The following NDUFA12 variants were observed in gnomAD, a reference collection of about 807,000 sequenced individuals.
The protein encoded by NDUFA12 is NADH dehydrogenase [ubiquinone] 1 alpha subcomplex subunit 12.
Under a neutral mutation model 20.3 loss-of-function variants are expected in NDUFA12, and 17 were observed. The observed-to-expected ratio is 0.84, with a 90% confidence interval of 0.57 to 1.26. The LOEUF is 1.26. Ranked by LOEUF, NDUFA12 falls within the 50% of genes most tolerant of loss-of-function variation. NDUFA12 has a pLI of 0.00. For synonymous variants in NDUFA12, 72 were observed against 63.6 expected, an observed-to-expected ratio of 1.13 and a Z score of -0.63; for missense variants, 191 against 183.7, an observed-to-expected ratio of 1.04 and a Z score of -0.23.
intron 3 of NDUFA12, among the ~76,000 whole-genome samples, chr12:94,975,870 A>AC (rs373522864): frequency 7.9e-5 from 12 of 152,174 alleles, no homozygotes; most frequent in African/African-American, 2.9e-4. Context: ...GCAACATGAG[A>AC]CCCCATGTCT....
At chr12:94,971,870 C>G (rs567763037) in intron 3 of NDUFA12, 1 of 673,106 alleles carries the variant, frequency 1.5e-6, no homozygotes, top group Non-Finnish European at 2.7e-6. Flanking sequence ...GTGGCAGATA[C>G]GCAACAAATG....
At chr12:94,982,152 A>G in intron 3 of NDUFA12, among the ~76,000 whole-genome samples, 1 of 152,244 alleles carries the variant, frequency 6.6e-6, no homozygotes, top group Non-Finnish European at 1.5e-5. Flanking sequence ...CTCAGGACAG[A>G]GGACAGGAAT....
At chr12:94,972,176 C>T (rs976839219) in intron 3 of NDUFA12, among the ~76,000 whole-genome samples, 3 of 152,148 alleles carry the variant, frequency 2.0e-5, no homozygotes, top group African/African-American at 7.2e-5. Context: ...GATCTTCCTG[C>T]TTCAGCCTCC....
chr12:94,991,072 C>T (rs946086304), intron 3 of NDUFA12, among the ~76,000 whole-genome samples: 4 of 152,008 alleles, frequency 2.6e-5, no homozygotes, highest in African/African-American at 9.7e-5. Context: ...TCATTTGAGT[C>T]CAGGAGTTTG....
At position 94,971,496 on chromosome 12, in the gene NDUFA12, AATAAGGTAC is replaced by A. The variant is rs1873884982; in HGVS notation, c.373_381del (p.Val125_Tyr127del). 1 of 1,614,102 alleles carries A rather than the reference AATAAGGTAC, an allele frequency of 6.2e-7. No individual in the cohort carries two copies. The highest frequency in any genetic ancestry group is 1.3e-5 in the African/African-American group (1 of 74,950). On this transcript the variant is annotated inframe_deletion, in exon 4 of 4. Coordinates refer to ENST00000327772, the MANE Select transcript of NDUFA12 (RefSeq NM_018838.5). ...TCCTGAATCTTCTTTCTAGTGGTAGAATAAGGTACATATTGTTCTGGGGTGCCAGTCACG... is the reference window on the plus strand; with the variant it reads ...TCCTGAATCTTCTTTCTAGTGGTAGAATATTGTTCTGGGGTGCCAGTCACG...
At chr12:95,002,268 C>T (rs1020059754) in intron 2 of NDUFA12, among the ~76,000 whole-genome samples, 8 of 150,560 alleles carry the variant, frequency 5.3e-5, no homozygotes, top group East Asian at 2.0e-4. Context: ...GGTGAAACCC[C>T]ATCTCTACTA....
intron 3 of NDUFA12, among the ~76,000 whole-genome samples, chr12:94,989,716 T>G (rs1341562800): frequency 6.6e-6 from 1 of 152,246 alleles, no homozygotes; most frequent in Non-Finnish European, 1.5e-5. Context: ...TTAGCTTCAT[T>G]TTCATGTGGT....
chr12:94,980,708 T>C (rs554843888), intron 3 of NDUFA12, among the ~76,000 whole-genome samples: 1 of 152,124 alleles, frequency 6.6e-6, no homozygotes, highest in African/African-American at 2.4e-5. Context: ...GGTGTAACTA[T>C]GCTGAGAGAG....
At chr12:94,996,046 A>G (rs750324171) in intron 2 of NDUFA12, among the ~76,000 whole-genome samples, 4 of 151,714 alleles carry the variant, frequency 2.6e-5, no homozygotes, top group African/African-American at 7.3e-5. Context: ...TGTCCCTACA[A>G]AAAATACAAA....
intron 3 of NDUFA12, among the ~76,000 whole-genome samples, chr12:94,982,497 C>T (rs1489569326): frequency 6.6e-6 from 1 of 151,966 alleles, no homozygotes; most frequent in Non-Finnish European, 1.5e-5. Context: ...AAGATGGTCT[C>T]GATCACCTGA....
chr12:95,003,401 C>T (rs566400033), intron 1 of NDUFA12, among the ~76,000 whole-genome samples, 194 bp downstream of exon 1: 1 of 152,284 alleles, frequency 6.6e-6, no homozygotes, highest in Admixed American at 6.5e-5. Context: ...TCTGACTCTA[C>T]AGATAGCTTC....
At chr12:95,003,256 C>T (rs61935751) in intron 1 of NDUFA12, among the ~76,000 whole-genome samples, 18,881 of 152,154 alleles carry the variant, frequency 0.12, 1,891 homozygotes, top group African/African-American at 0.28. Context: ...CAACGCCTTA[C>T]AGACAAGGAA....
chr12:95,000,909 C>A (rs1302373932), intron 2 of NDUFA12, among the ~76,000 whole-genome samples: 1 of 152,226 alleles, frequency 6.6e-6, no homozygotes, highest in Admixed American at 6.5e-5. Flanking sequence ...AACAAACCTG[C>A]ACGTTGTGCA....
At chr12:94,994,717 T>C (rs556846084) in intron 2 of NDUFA12, among the ~76,000 whole-genome samples, 1 of 152,334 alleles carries the variant, frequency 6.6e-6, no homozygotes, top group East Asian at 1.9e-4. Flanking sequence ...TTTTGGAAAT[T>C]TGTGAATTAT....
At chr12:94,984,029 G>A (rs144309980) in intron 3 of NDUFA12, among the ~76,000 whole-genome samples, 1 of 152,194 alleles carries the variant, frequency 6.6e-6, no homozygotes, top group African/African-American at 2.4e-5. Flanking sequence ...GCAAAATAGG[G>A]TAAGGAGGAA....
At position 95,003,664 on chromosome 12, in the gene NDUFA12, A is replaced by G. The variant is rs1427669935; in HGVS notation, c.17T>C (p.Val6Ala). The change falls in exon 1 of 4, where the codon GTC (valine) becomes GCC (alanine). Residue 6 changes from valine (V) to alanine (A), a missense_variant. Val to Ala is a moderately conservative substitution (Grantham distance 64). Coordinates refer to ENST00000327772, the MANE Select transcript of NDUFA12 (RefSeq NM_018838.5). MELVQ[V>A]LKRGLQQITG... The stretch of plus-strand genomic sequence containing the variant: ...GATCTGCTGCAGCCCGCGTTTCAGG[A>G]CCTGCACTAACTCCATCTTGCCTCG... 1.9e-6 allele frequency: 3 copies of G among 1,614,104 alleles called. No individual in the cohort carries two copies. The highest frequency in any genetic ancestry group is 1.7e-6 in the Non-Finnish European group (2 of 1,180,024).
chr12:94,973,950 C>A (rs1172328760), intron 3 of NDUFA12, among the ~76,000 whole-genome samples: 2 of 145,322 alleles, frequency 1.4e-5, no homozygotes, highest in South Asian at 2.2e-4. Flanking sequence ...GTTTTACTTG[C>A]AAAACAGACT....
At chr12:94,990,715 GCCA>G (rs945256770) in intron 3 of NDUFA12, among the ~76,000 whole-genome samples, 49 of 152,232 alleles carry the variant, frequency 3.2e-4, no homozygotes, top group Admixed American at 4.6e-4. Context: ...ACAGGTATGA[GCCA>G]CCACACCAAG....
intron 3 of NDUFA12, among the ~76,000 whole-genome samples, chr12:94,974,997 AAACAACT>A (rs1266893359): frequency 1.1e-4 from 17 of 152,342 alleles, no homozygotes; most frequent in African/African-American, 3.8e-4. Flanking sequence ...GTACATTTTA[AAACAACT>A]AAAAGAGTAT....
Sources: allele counts gnomAD v4.1 joint callset (sites outside exome capture counted in the v4.1 genomes callset), GRCh38; gene constraint gnomAD v4.1.1; transcripts MANE v1.5; gene names NCBI Gene and HGNC (gene_info 2026-07-23, HGNC 2026-07-21).